The following NAALADL2 variants were observed in gnomAD, a reference collection of about 807,000 sequenced individuals.
NAALADL2 encodes the protein N-acetylated alpha-linked acidic dipeptidase like 2, also known as inactive N-acetylated-alpha-linked acidic dipeptidase-like protein 2.
A neutral mutation model predicts 87.2 loss-of-function variants in NAALADL2; 76 were observed. That is an observed-to-expected ratio of 0.87 (90% CI 0.72 to 1.05). The LOEUF (loss-of-function observed/expected upper bound fraction) is 1.05, where lower values mean the gene tolerates loss of function less well. Ranked by LOEUF, NAALADL2 falls within the 50% of genes least tolerant of loss-of-function variation. The pLI, the probability that NAALADL2 is intolerant of heterozygous loss-of-function variation, is 0.00. For synonymous variants in NAALADL2, 354 were observed against 331.0 expected (o/e 1.07, Z -0.75); for missense variants, 1,089 against 945.8 (o/e 1.15, Z -1.99).
chr3:174,875,269 A>G (rs186178378), intron 1 of NAALADL2, among the ~76,000 whole-genome samples: 3 of 152,066 alleles, frequency 2.0e-5, no homozygotes, highest in Admixed American at 6.6e-5. Context: ...AATAAACAAT[A>G]TAAATGTCAT....
chr3:175,558,052 G>A (rs1158470308), intron 9 of NAALADL2, among the ~76,000 whole-genome samples: 10 of 151,730 alleles, frequency 6.6e-5, no homozygotes, highest in South Asian at 2.1e-4. Flanking sequence ...AAACTTAGCC[G>A]GGCGTGGTGG....
intron 1 of NAALADL2, among the ~76,000 whole-genome samples, chr3:175,054,823 G>GCCC (rs963011052): frequency 3.9e-5 from 6 of 152,116 alleles, no homozygotes; most frequent in African/African-American, 1.4e-4. Context: ...GACTTTGAGG[G>GCCC]CTGTATAACT....
chr3:175,015,797 G>A (rs574846071), intron 1 of NAALADL2, among the ~76,000 whole-genome samples: 37 of 151,980 alleles, frequency 2.4e-4, no homozygotes, highest in Middle Eastern at 3.4e-3. Flanking sequence ...AAATTATTTT[G>A]CAAAATATTT....
At chr3:174,882,524 T>TATGTGCATACACACATATGTGCACAC (rs1560318048) in intron 1 of NAALADL2, among the ~76,000 whole-genome samples, 5 of 149,130 alleles carry the variant, frequency 3.4e-5, no homozygotes, top group African/African-American at 1.3e-4. Flanking sequence ...TATGTGCATA[T>TATGTGCATACACACATATGTGCACAC]ACACATATAT....
chr3:174,464,584 G>A (rs1213634058), intron 1 of NAALADL2, among the ~76,000 whole-genome samples: 1 of 151,712 alleles, frequency 6.6e-6, no homozygotes, highest in Non-Finnish European at 1.5e-5. Context: ...AATGAATAAG[G>A]TTGTTATAAT....
At chr3:174,898,140 A>G (rs1579423900) in intron 1 of NAALADL2, among the ~76,000 whole-genome samples, 1 of 132,646 alleles carries the variant, frequency 7.5e-6, no homozygotes, top group African/African-American at 3.7e-5. Flanking sequence ...AAAAAAAAAA[A>G]AAAGAAAAAA....
intron 10 of NAALADL2, among the ~76,000 whole-genome samples, chr3:175,598,160 AAC>A (rs1407209626): frequency 9.2e-5 from 14 of 152,134 alleles, no homozygotes; most frequent in African/African-American, 3.4e-4. Context: ...GACTTTGTAA[AAC>A]AGTCTTGTTT....
chr3:174,471,890 T>G (rs1716931469), intron 1 of NAALADL2, among the ~76,000 whole-genome samples: 1 of 152,146 alleles, frequency 6.6e-6, no homozygotes, highest in Non-Finnish European at 1.5e-5. Flanking sequence ...TAATAAAAAA[T>G]TAAATTAAAA....
chr3:175,032,376 T>C (rs910267160), intron 1 of NAALADL2, among the ~76,000 whole-genome samples: 19 of 152,070 alleles, frequency 1.2e-4, no homozygotes, highest in African/African-American at 4.6e-4. Flanking sequence ...GTAAGCTCTA[T>C]TAAGCCTTGA....
intron 3 of NAALADL2, among the ~76,000 whole-genome samples, chr3:174,813,331 G>T (rs1720427076): frequency 1.1e-5 from 1 of 88,972 alleles, no homozygotes; most frequent in Non-Finnish European, 2.3e-5. Context: ...ATTTGTGTTG[G>T]GCCACGTTTA....
chr3:175,441,287 AT>A (rs879508976), intron 5 of NAALADL2, among the ~76,000 whole-genome samples: 5 of 152,150 alleles, frequency 3.3e-5, no homozygotes, highest in Non-Finnish European at 5.9e-5. Context: ...ATATGTAGGC[AT>A]TGTATTAGGT....
At position 175,755,318 on chromosome 3, in the gene NAALADL2, C is replaced by T. The variant is rs758447089; in HGVS notation, c.2089C>T (p.Pro697Ser). 13 of 1,613,550 alleles carry T rather than the reference C, an allele frequency of 8.1e-6. No homozygotes were observed. In the South Asian group the frequency reaches 1.4e-4, roughly 18 times the overall value. The part of the protein sequence containing the change: ...QSDEMRPAND[P>S]KERAPIRIRM... Reference sequence around the variant, plus strand: ...TGATGAGATGCGACCTGCTAATGATCCCAAGGAGAGAGCACCCATCCGCAT... The same window carrying T: ...TGATGAGATGCGACCTGCTAATGATTCCAAGGAGAGAGCACCCATCCGCAT... Residue 697 changes from proline to serine, a missense_variant, in exon 13 of 14, where the codon CCC (proline) becomes TCC (serine). By Grantham distance (74) the Pro-to-Ser change is moderately conservative (BLOSUM62 -1). Transcript: ENST00000454872.
At chr3:175,036,321 A>G (rs1037117786) in intron 1 of NAALADL2, among the ~76,000 whole-genome samples, 11 of 152,266 alleles carry the variant, frequency 7.2e-5, no homozygotes, top group South Asian at 4.1e-4. Flanking sequence ...TAACAAAATA[A>G]TACTGACTTT....
intron 4 of NAALADL2, among the ~76,000 whole-genome samples, chr3:175,283,161 T>C (rs1283831687): frequency 6.6e-6 from 1 of 152,114 alleles, no homozygotes. Flanking sequence ...ATATACTCAA[T>C]ATCTATGTGC....
At chr3:175,114,038 G>T (rs1202052338) in intron 2 of NAALADL2, among the ~76,000 whole-genome samples, 1 of 151,638 alleles carries the variant, frequency 6.6e-6, no homozygotes, top group East Asian at 1.9e-4. Context: ...TTCCTTAAAT[G>T]TATTTAATAT....
rs144698726 is a variant in NAALADL2 at position 175,621,492 on chromosome 3, T to C, written c.1801-5799T>C. 2.7e-3 allele frequency among the ~76,000 whole-genome samples: 408 copies of C among 152,302 alleles called. 2 individuals are homozygous for C. Among genetic ancestry groups the C allele is most frequent in the African/African-American group, 9.5e-3 (393 of 41,570 alleles). ...CTCCATCTATTCAGCCATTATTTAA[T>C]TACCAAGGCTTGGCCTCTAATACAG... On this transcript the variant is annotated intron_variant, in intron 10 of 13. Coordinates refer to ENST00000454872, the MANE Select transcript of NAALADL2 (RefSeq NM_207015.3).
intron 1 of NAALADL2, among the ~76,000 whole-genome samples, chr3:174,506,752 G>A (rs1179698068): frequency 6.6e-6 from 1 of 152,126 alleles, no homozygotes; most frequent in Non-Finnish European, 1.5e-5. Context: ...CAAGTAACTA[G>A]GTGTGTGAAA....
chr3:175,567,377 C>G (rs1263016235), intron 9 of NAALADL2, among the ~76,000 whole-genome samples: 1 of 148,116 alleles, frequency 6.8e-6, no homozygotes, highest in Non-Finnish European at 1.5e-5. Context: ...TCGTATTTCT[C>G]TATTTTTTTT....
At chr3:174,747,358 C>T (rs535414665) in intron 3 of NAALADL2, among the ~76,000 whole-genome samples, 159 of 152,088 alleles carry the variant, frequency 1.0e-3, no homozygotes, top group African/African-American at 3.5e-3. Flanking sequence ...CAGAGAAATG[C>T]AAATCAATAC....
Sources: allele counts gnomAD v4.1 joint callset (sites outside exome capture counted in the v4.1 genomes callset), GRCh38; gene constraint gnomAD v4.1.1; transcripts MANE v1.5; gene names NCBI Gene and HGNC (gene_info 2026-07-23, HGNC 2026-07-21).